Variants in CAMK2B observed in about 807,000 individuals in gnomAD.
The protein encoded by CAMK2B is calcium/calmodulin dependent protein kinase II beta, also known as calcium/calmodulin-dependent protein kinase type II subunit beta.
CAMK2B carries 27 observed loss-of-function variants against 93.7 expected under a neutral mutation model. That is an observed-to-expected ratio of 0.29 (90% confidence interval 0.21 to 0.40). The LOEUF (loss-of-function observed/expected upper bound fraction) is 0.40, where lower values mean the gene tolerates loss of function less well. Ranked by LOEUF, CAMK2B falls within the 10% of genes least tolerant of loss-of-function variation. CAMK2B has a pLI of 1.00. For synonymous variants in CAMK2B, 374 were observed against 358.8 expected (o/e 1.04, Z -0.48); for missense variants, 568 against 895.8 (o/e 0.63, Z 4.67).
intron 1 of CAMK2B, chr7:44,324,885 G>A (rs886342080): frequency 2.0e-5 from 3 of 152,150 alleles, no homozygotes; most frequent in Admixed American, 6.5e-5. Context: ...GGCGCAAGCA[G>A]GTCCCGCCAC....
chr7:44,319,088 G>C (rs1795458416), intron 1 of CAMK2B, among the ~76,000 whole-genome samples: 1 of 152,160 alleles, frequency 6.6e-6, no homozygotes, highest in African/African-American at 2.4e-5. Context: ...GATACATAAT[G>C]CATTTTTATG....
chr7:44,251,950 G>A (rs1190226807), intron 5 of CAMK2B, among the ~76,000 whole-genome samples: 1 of 152,126 alleles, frequency 6.6e-6, no homozygotes, highest in African/African-American at 2.4e-5. Flanking sequence ...CCAGCTCTGC[G>A]GTCCCCCGGC....
intron 1 of CAMK2B, among the ~76,000 whole-genome samples, chr7:44,308,808 C>T (rs1417003472): frequency 1.3e-5 from 2 of 152,168 alleles, no homozygotes; most frequent in South Asian, 4.1e-4. Flanking sequence ...CCTTGCACAT[C>T]AGGCGGTGTG....
intron 1 of CAMK2B, among the ~76,000 whole-genome samples, chr7:44,297,227 G>A (rs74918104): frequency 0.013 from 1,935 of 152,240 alleles, 46 homozygotes; most frequent in African/African-American, 0.044. Flanking sequence ...ATTTGAGAGT[G>A]GGCTTGGGTT....
chr7:44,235,052 T>C (rs1328122606), intron 13 of CAMK2B, among the ~76,000 whole-genome samples: 1 of 152,186 alleles, frequency 6.6e-6, no homozygotes, highest in Admixed American at 6.5e-5. Flanking sequence ...CTGTGTCAGG[T>C]TGGGGTGGGG....
At position 44,229,451 on chromosome 7, in the gene CAMK2B, G is replaced by A. The variant is rs376228133; in HGVS notation, c.1276C>T (p.Pro426Ser). Residue 426 changes from proline to serine, a missense_variant, in exon 18 of 24, where the codon CCA (proline) becomes TCA (serine). By Grantham distance (74) the Pro-to-Ser change is moderately conservative. This residue lies in a region of CAMK2B where 308 missense variants were observed against 292.1 expected (regional missense o/e 1.05). Transcript: ENST00000395749. ...LSSVRRGSGA[P>S]EAEGPLPCPS... ...CAGGGCAGGGGCCCCTCGGCTTCTG[G>A]GGCTCCCGAGCCCCTCCTCACTGAG... The A allele has an allele frequency of 6.8e-5, 101 of 1,487,952 alleles. No individual in the cohort carries two copies. The African/African-American group carries it at 1.4e-3, about 20-fold the overall frequency. The allele number at this position is 1,487,952 out of a possible 1,614,324, so 92.2% of individuals were successfully genotyped here. A position where few individuals can be genotyped will look rare whatever the true frequency, so the allele number is the denominator to read the frequency against.
At chr7:44,235,124 T>C (rs951735700) in intron 13 of CAMK2B, among the ~76,000 whole-genome samples, 7 of 148,600 alleles carry the variant, frequency 4.7e-5, no homozygotes, top group Non-Finnish European at 9.0e-5. Context: ...GGGGTAGGGG[T>C]GGGTGGGCTG....
chr7:44,272,974 TAAAGCCAAC>T (rs2096988669), intron 2 of CAMK2B, among the ~76,000 whole-genome samples: 1 of 152,172 alleles, frequency 6.6e-6, no homozygotes, highest in Non-Finnish European at 1.5e-5. Context: ...GGCCTAAAGT[TAAAGCCAAC>T]AACATTACGT....
In CAMK2B at chr7:44,244,012, T is replaced by C. The variant is rs574965602; in HGVS notation, c.415-485A>G. ...TCTCACTCCTCAGAGACCTGGGATG[T>C]TGGGGGCTGCTTGAGGGGAAGTTCA... On this transcript the variant is annotated intron_variant, in intron 6 of 23. Transcript: ENST00000395749. Among the ~76,000 whole-genome samples the C allele has an allele frequency of 7.2e-5, 11 of 152,246 alleles. No individual in the cohort carries two copies. The South Asian group carries it at 2.3e-3, about 32-fold the overall frequency.
At chr7:44,246,123 G>C (rs964735846) in intron 6 of CAMK2B, among the ~76,000 whole-genome samples, 5 of 152,130 alleles carry the variant, frequency 3.3e-5, no homozygotes, top group African/African-American at 1.2e-4. Flanking sequence ...GCAGAGACTT[G>C]AGGAAAGGGC....
At chr7:44,222,386 C>T (rs1658422642) in intron 20 of CAMK2B, among the ~76,000 whole-genome samples, 1 of 152,230 alleles carries the variant, frequency 6.6e-6, no homozygotes, top group African/African-American at 2.4e-5. Flanking sequence ...AGTGCTGCCT[C>T]CAACGGCCAC....
intron 2 of CAMK2B, among the ~76,000 whole-genome samples, chr7:44,277,098 A>C (rs1404505102): frequency 1.3e-5 from 2 of 151,944 alleles, no homozygotes; most frequent in Non-Finnish European, 2.9e-5. Flanking sequence ...GCGTCCAACA[A>C]GGCACAACAA....
intron 5 of CAMK2B, among the ~76,000 whole-genome samples, chr7:44,251,713 A>G (rs1280576230): frequency 6.6e-6 from 1 of 152,198 alleles, no homozygotes. Context: ...TTCTAAGAGA[A>G]CATCTCTTCT....
chr7:44,313,600 C>T (rs1794117055), intron 1 of CAMK2B, among the ~76,000 whole-genome samples: 1 of 151,378 alleles, frequency 6.6e-6, no homozygotes, highest in East Asian at 2.0e-4. Context: ...AACCCTCAGT[C>T]ACACAGCCCT....
At chr7:44,277,532 A>C (rs1355774654) in intron 2 of CAMK2B, among the ~76,000 whole-genome samples, 1 of 152,062 alleles carries the variant, frequency 6.6e-6, no homozygotes, top group Non-Finnish European at 1.5e-5. Context: ...TTGAAGGACC[A>C]AGGCCGCCCT....
intron 1 of CAMK2B, among the ~76,000 whole-genome samples, chr7:44,308,371 C>G (rs1366747601): frequency 6.6e-6 from 1 of 152,228 alleles, no homozygotes; most frequent in East Asian, 1.9e-4. Flanking sequence ...GGAAGAGAGA[C>G]AGGGCCTGCC....
intron 6 of CAMK2B, among the ~76,000 whole-genome samples, chr7:44,244,058 T>C (rs2128973955): frequency 6.6e-6 from 1 of 152,142 alleles, no homozygotes; most frequent in East Asian, 1.9e-4. Context: ...GCTGAGATGG[T>C]GACCCCCAAA....
In CAMK2B at chr7:44,225,242, C is replaced by T. The variant is rs1417665376; in HGVS notation, c.1597+1274G>A. On this transcript the variant is annotated intron_variant, in intron 20 of 23. Transcript: ENST00000395749. This position sits in a 1 kb window ranked among gnomAD's most constrained non-coding sequence, Gnocchi z 5.0. The stretch of plus-strand genomic sequence containing the variant: ...CATGCCAACCTGATGGGGTGACCTT[C>T]CAGGCAGGCTCCTTTGGGCACACCC... Among the ~76,000 whole-genome samples the T allele has an allele frequency of 1.3e-5, 2 of 152,200 alleles. No homozygotes were observed. Among genetic ancestry groups the T allele is most frequent in the South Asian group, 4.1e-4 (2 of 4,830 alleles).
rs1021722590 is a variant in CAMK2B, at chr7:44,229,401, G to A, written c.1326C>T (p.Pro442=). The stretch of plus-strand genomic sequence containing the variant: ...CAGGCTACTTACATGGGGCTGGCAG[G>A]GGGCTAAAGGGAGCCGGAGATGGGC... ...LPCPSPAPFS[P]LPAPSPRISD... The change falls in exon 18 of 24, where the codon CCC becomes CCT. Residue 442 remains proline (P), a synonymous_variant. Coordinates refer to ENST00000395749, the MANE Select transcript of CAMK2B (RefSeq NM_001220.5). The A allele has an allele frequency of 2.0e-6, 3 of 1,521,664 alleles. No individual in the cohort carries two copies. Among genetic ancestry groups the A allele is most frequent in the Admixed American group, 4.4e-5 (2 of 45,308 alleles). 94.3% of individuals were successfully genotyped at this position (1,521,664 alleles called of 1,614,324 possible).
Sources: gnomAD v4.1 joint callset for allele counts (sites outside exome capture counted in the v4.1 genomes callset) on GRCh38, gnomAD v4.1.1 for gene constraint, gnomAD v4.1.1 regional missense constraint, Gnocchi (gnomAD v3.1) non-coding constraint, MANE v1.5 for transcripts, NCBI Gene and HGNC (gene_info 2026-07-23, HGNC 2026-07-21) for gene names.